Variants in AGBL4 observed in about 807,000 individuals in gnomAD.
AGBL4 encodes cytosolic carboxypeptidase 6.
Under a neutral mutation model 66.4 loss-of-function variants are expected in AGBL4, and 58 were observed. That is an observed-to-expected ratio of 0.87 (90% CI 0.71 to 1.09). The LOEUF is 1.09. Among genes scored for constraint, AGBL4 ranks in the 50% least tolerant of loss-of-function variants. The probability of loss-of-function intolerance (pLI) is 0.00; values close to 1 mark genes in which losing one functional copy is unlikely to be tolerated. For synonymous variants in AGBL4, 234 were observed against 222.9 expected (o/e 1.05, Z -0.44); for missense variants, 579 against 631.0 (o/e 0.92, Z 0.88).
intron 3 of AGBL4, among the ~76,000 whole-genome samples, chr1:49,679,799 A>G (rs1646653224): frequency 6.6e-6 from 1 of 152,112 alleles, no homozygotes; most frequent in Admixed American, 6.6e-5. Context: ...ATCATAGTCT[A>G]CTTTGTCAAC....
chr1:49,948,494 A>T (rs12098057), intron 1 of AGBL4, among the ~76,000 whole-genome samples: 27 of 101,314 alleles, frequency 2.7e-4, no homozygotes, highest in Non-Finnish European at 4.4e-4. Context: ...TAAATATATA[A>T]AAATATATAT....
intron 1 of AGBL4, among the ~76,000 whole-genome samples, chr1:49,898,881 C>G (rs1335720352): frequency 6.6e-6 from 1 of 152,144 alleles, no homozygotes; most frequent in East Asian, 1.9e-4. Context: ...AGACAAACTT[C>G]TTACATTCTC....
At chr1:49,827,556 C>T (rs1269779798) in intron 2 of AGBL4, among the ~76,000 whole-genome samples, 1 of 152,132 alleles carries the variant, frequency 6.6e-6, no homozygotes, top group Non-Finnish European at 1.5e-5. Flanking sequence ...GAGTTCAAGG[C>T]TGATGATACT....
chr1:49,487,136 A>C (rs748838455), intron 3 of AGBL4, among the ~76,000 whole-genome samples: 6 of 151,978 alleles, frequency 3.9e-5, no homozygotes, highest in Non-Finnish European at 7.4e-5. Flanking sequence ...TGGAAATGTT[A>C]GTATTATTAT....
intron 3 of AGBL4, among the ~76,000 whole-genome samples, chr1:49,385,939 A>G (rs1644727440): frequency 6.6e-6 from 1 of 152,042 alleles, no homozygotes; most frequent in Non-Finnish European, 1.5e-5. Flanking sequence ...TCAAGTATCT[A>G]AAGCATCTAG....
intron 3 of AGBL4, among the ~76,000 whole-genome samples, chr1:49,417,286 G>GA (rs1427600849): frequency 6.6e-6 from 1 of 151,932 alleles, no homozygotes; most frequent in African/African-American, 2.4e-5. Flanking sequence ...AAGGAATACA[G>GA]AAAAAAAGCG....
intron 3 of AGBL4, among the ~76,000 whole-genome samples, chr1:49,346,899 G>C (rs1401397502): frequency 6.6e-6 from 1 of 152,180 alleles, no homozygotes; most frequent in African/African-American, 2.4e-5. Context: ...ATTTCCAGGA[G>C]CTTAGGCATT....
intron 4 of AGBL4, among the ~76,000 whole-genome samples, chr1:49,075,984 A>G (rs888401711): frequency 1.3e-5 from 2 of 152,356 alleles, no homozygotes; most frequent in Admixed American, 1.3e-4. Context: ...GATTATTCAC[A>G]GAAAAATATA....
rs1484408 is a variant in AGBL4 at position 48,669,045 on chromosome 1, C to T, written c.635-5804G>A. Among the ~76,000 whole-genome samples the T allele has an allele frequency of 3.8e-4, 58 of 152,170 alleles. 1 individual carries two copies. The East Asian group carries it at 7.7e-3, about 20-fold the overall frequency. On this transcript the variant is annotated intron_variant, in intron 6 of 13. Coordinates refer to ENST00000371839, the MANE Select transcript of AGBL4 (RefSeq NM_032785.4). ...CTAGGTGAGGGACACTGAGGAGGAC[C>T]GTGTTCCCTGTGTTTCTTCTGTACC...
chr1:50,002,455 C>T (rs1660832285), intron 1 of AGBL4, among the ~76,000 whole-genome samples: 1 of 147,950 alleles, frequency 6.8e-6, no homozygotes, highest in Non-Finnish European at 1.5e-5. Context: ...CTGCAAGCTC[C>T]GCCTCCCGGG....
chr1:49,359,056 C>A (rs150359649), intron 3 of AGBL4, among the ~76,000 whole-genome samples: 8 of 151,984 alleles, frequency 5.3e-5, no homozygotes, highest in Non-Finnish European at 8.8e-5. Context: ...ACCATGTGTG[C>A]GTACATACAT....
chr1:49,799,702 A>G (rs1051658655), intron 2 of AGBL4, among the ~76,000 whole-genome samples: 29 of 152,184 alleles, frequency 1.9e-4, no homozygotes, highest in African/African-American at 7.0e-4. Flanking sequence ...ACTAAGCCAA[A>G]AAGATGGTCA....
chr1:49,912,293 T>C (rs1274078420), intron 1 of AGBL4, among the ~76,000 whole-genome samples: 1 of 152,156 alleles, frequency 6.6e-6, no homozygotes, highest in Non-Finnish European at 1.5e-5. Context: ...TGAGAGGGAT[T>C]AGTCTCAGCT....
At chr1:48,537,841 A>G (rs1247262844) in intron 12 of AGBL4, among the ~76,000 whole-genome samples, 3 of 152,208 alleles carry the variant, frequency 2.0e-5, no homozygotes, top group Non-Finnish European at 4.4e-5. Flanking sequence ...CCAATCACGA[A>G]TGACTTCTAA....
intron 2 of AGBL4, among the ~76,000 whole-genome samples, chr1:49,828,266 T>A (rs756060485): frequency 6.6e-6 from 1 of 152,222 alleles, no homozygotes; most frequent in African/African-American, 2.4e-5. Flanking sequence ...ACAAAGTAAC[T>A]ATTCTTATTG....
intron 5 of AGBL4, among the ~76,000 whole-genome samples, chr1:48,918,293 G>A (rs373426138): frequency 6.6e-6 from 1 of 152,134 alleles, no homozygotes; most frequent in African/African-American, 2.4e-5. Flanking sequence ...TTGTTCATTC[G>A]TTTGTTTGTG....
At chr1:49,424,758 G>A (rs1462188212) in intron 3 of AGBL4, among the ~76,000 whole-genome samples, 1 of 152,192 alleles carries the variant, frequency 6.6e-6, no homozygotes, top group Non-Finnish European at 1.5e-5. Flanking sequence ...GGTATTAGAA[G>A]GCTCTTGTGG....
At chr1:48,783,860 C>G (rs1387252154) in intron 6 of AGBL4, among the ~76,000 whole-genome samples, 3 of 152,188 alleles carry the variant, frequency 2.0e-5, no homozygotes, top group African/African-American at 7.2e-5. Flanking sequence ...ACATGCCAAG[C>G]ACACAGGAAA....
chr1:49,877,065 C>G (rs1027429072), intron 1 of AGBL4, among the ~76,000 whole-genome samples: 1 of 151,526 alleles, frequency 6.6e-6, no homozygotes, highest in Non-Finnish European at 1.5e-5. Flanking sequence ...TGGGCTGAGA[C>G]GATGGGGTTT....
Sources: gnomAD v4.1 joint callset for allele counts (sites outside exome capture counted in the v4.1 genomes callset) on GRCh38, gnomAD v4.1.1 for gene constraint, MANE v1.5 for transcripts, NCBI Gene and HGNC (gene_info 2026-07-23, HGNC 2026-07-21) for gene names.